HAPLN1: variants seen among roughly 807,000 people sequenced by gnomAD.
HAPLN1 encodes the protein hyaluronan and proteoglycan link protein 1.
In HAPLN1, 13 loss-of-function variants were observed where a neutral mutation model predicts 36.5. The ratio of observed to expected loss-of-function variants is 0.36; its 90% confidence interval spans 0.23 to 0.57. The LOEUF (loss-of-function observed/expected upper bound fraction) is 0.57, where lower values mean the gene tolerates loss of function less well. Among genes scored for constraint, HAPLN1 ranks in the 20% least tolerant of loss-of-function variants. HAPLN1 has a pLI of 0.83. For synonymous variants in HAPLN1, 202 were observed against 169.8 expected (o/e 1.19, Z -1.48); for missense variants, 407 against 439.7 (o/e 0.93, Z 0.66).
At chr5:83,719,528 A>C (rs1273955679) in intron 1 of HAPLN1, among the ~76,000 whole-genome samples, 9 of 152,222 alleles carry the variant, frequency 5.9e-5, no homozygotes, top group Non-Finnish European at 1.3e-4. Context: ...CTAATATCTG[A>C]AGAGTCCTTT....
At chr5:83,680,898 A>G (rs1750983270) in intron 1 of HAPLN1, among the ~76,000 whole-genome samples, 1 of 152,228 alleles carries the variant, frequency 6.6e-6, no homozygotes, top group Non-Finnish European at 1.5e-5. Flanking sequence ...CTGTCAGAAT[A>G]TAAATAAGCA....
chr5:83,700,608 T>C (rs1046592535), intron 1 of HAPLN1, among the ~76,000 whole-genome samples: 3 of 152,040 alleles, frequency 2.0e-5, no homozygotes, highest in African/African-American at 7.2e-5. Context: ...AATTGGTATT[T>C]TCCTTTAAAT....
In HAPLN1 at chr5:83,639,186, C is replaced by G. The variant is rs1217649740; in HGVS notation, c.*2310G>C. ...AATGAGAACATTAAAAAGACTCATTCAAGTATGAGTATAAAGGGCATGGAA... is the reference window on the plus strand; with the variant it reads ...AATGAGAACATTAAAAAGACTCATTGAAGTATGAGTATAAAGGGCATGGAA... On this transcript the variant is annotated 3_prime_UTR_variant, in exon 5 of 5. Transcript: ENST00000274341. 1 of 151,950 alleles carries G rather than the reference C, an allele frequency of 6.6e-6. No homozygotes were observed. The highest frequency in any genetic ancestry group is 2.4e-5 in the African/African-American group (1 of 41,406). The allele number at this position is 151,950 out of a possible 1,614,324, so 9.4% of individuals were successfully genotyped here. A position where few individuals can be genotyped will look rare whatever the true frequency, so the allele number is the denominator to read the frequency against.
intron 1 of HAPLN1, among the ~76,000 whole-genome samples, chr5:83,714,376 A>G (rs955493105): frequency 6.6e-6 from 1 of 152,224 alleles, no homozygotes; most frequent in Non-Finnish European, 1.5e-5. Flanking sequence ...AAAAAACTAC[A>G]TAAATTAATG....
At chr5:83,654,224 G>C (rs1042979876) in intron 2 of HAPLN1, among the ~76,000 whole-genome samples, 2 of 152,118 alleles carry the variant, frequency 1.3e-5, no homozygotes, top group Non-Finnish European at 2.9e-5. Flanking sequence ...TGAGTCCCAA[G>C]CCTCAAAAAG....
intron 1 of HAPLN1, among the ~76,000 whole-genome samples, chr5:83,686,225 A>C (rs1231388493): frequency 6.6e-6 from 1 of 151,880 alleles, no homozygotes; most frequent in Non-Finnish European, 1.5e-5. Flanking sequence ...CTAATTTAAA[A>C]TTTGCCTAAG....
chr5:83,666,700 C>G (rs139425761), intron 2 of HAPLN1, among the ~76,000 whole-genome samples: 20 of 152,124 alleles, frequency 1.3e-4, no homozygotes, highest in African/African-American at 4.3e-4. Context: ...AAATAATAAG[C>G]TCTTTTAGTT....
At chr5:83,692,375 G>A (rs1049668679) in intron 1 of HAPLN1, among the ~76,000 whole-genome samples, 21 of 151,848 alleles carry the variant, frequency 1.4e-4, no homozygotes, top group Non-Finnish European at 2.7e-4. Flanking sequence ...GAGAAAATCT[G>A]AAAGAAAGGA....
intron 1 of HAPLN1, among the ~76,000 whole-genome samples, chr5:83,715,899 G>A (rs1010031364): frequency 2.6e-5 from 4 of 152,116 alleles, no homozygotes; most frequent in Non-Finnish European, 5.9e-5. Context: ...TACATTTCAG[G>A]ACCTTGTAAC....
intron 1 of HAPLN1, among the ~76,000 whole-genome samples, chr5:83,700,227 A>G: frequency 6.6e-6 from 1 of 150,702 alleles, no homozygotes; most frequent in East Asian, 1.9e-4. Context: ...AACCACCACC[A>G]CCACCACAAC....
At chr5:83,648,850 G>A (rs149016397) in intron 3 of HAPLN1, among the ~76,000 whole-genome samples, 217 of 152,282 alleles carry the variant, frequency 1.4e-3, no homozygotes, top group African/African-American at 4.9e-3. Flanking sequence ...GTCTTTTGCC[G>A]TGTGTGGTTC....
chr5:83,695,840 T>C (rs1365850762), intron 1 of HAPLN1, among the ~76,000 whole-genome samples: 2 of 151,870 alleles, frequency 1.3e-5, no homozygotes, highest in Non-Finnish European at 2.9e-5. Flanking sequence ...AAGACTAAAT[T>C]ATTTATTCCT....
chr5:83,686,506 A>G (rs1751130284), intron 1 of HAPLN1, among the ~76,000 whole-genome samples: 1 of 152,204 alleles, frequency 6.6e-6, no homozygotes, highest in Non-Finnish European at 1.5e-5. Context: ...AGTTGGCAAT[A>G]GTGATAGCAA....
At chr5:83,672,333 C>T (rs906699975) in intron 2 of HAPLN1, among the ~76,000 whole-genome samples, 3 of 152,068 alleles carry the variant, frequency 2.0e-5, no homozygotes, top group African/African-American at 7.2e-5. Flanking sequence ...AGCTCTGATT[C>T]TACTATATAT....
At chr5:83,713,498 T>C (rs538982383) in intron 1 of HAPLN1, among the ~76,000 whole-genome samples, 1 of 152,194 alleles carries the variant, frequency 6.6e-6, no homozygotes, top group African/African-American at 2.4e-5. Context: ...TCTCCCTTAG[T>C]ATATCCCTGG....
chr5:83,645,322 C>A (rs762527689), intron 3 of HAPLN1, among the ~76,000 whole-genome samples: 8 of 152,052 alleles, frequency 5.3e-5, no homozygotes, highest in Non-Finnish European at 1.2e-4. Flanking sequence ...AGGGGGGACT[C>A]TTATTTGGAG....
Position 83,640,911 on chromosome 5 carries a change from T to A in HAPLN1, c.*585A>T, listed in dbSNP as rs1473435917. 1 of 144,904 alleles carries A rather than the reference T, an allele frequency of 6.9e-6. No homozygotes were observed. The highest frequency in any genetic ancestry group is 2.0e-4 in the East Asian group (1 of 4,992). The allele number at this position is 144,904 out of a possible 1,614,324, so 9.0% of individuals were successfully genotyped here. A position where few individuals can be genotyped will look rare whatever the true frequency, so the allele number is the denominator to read the frequency against. On this transcript the variant is annotated 3_prime_UTR_variant, in exon 5 of 5. Coordinates refer to ENST00000274341, the MANE Select transcript of HAPLN1 (RefSeq NM_001884.4). ...ACTATGGATTGGAATCCATATGAAT[T>A]TTTTTTTTTTTTTTTGGTCAGAAAG...
At chr5:83,659,660 C>T (rs1459708894) in intron 2 of HAPLN1, among the ~76,000 whole-genome samples, 2 of 152,066 alleles carry the variant, frequency 1.3e-5, no homozygotes, top group East Asian at 1.9e-4. Context: ...AGTCTCTCTA[C>T]ACAAGAAGCT....
chr5:83,680,161 C>T (rs1260893665), intron 1 of HAPLN1, among the ~76,000 whole-genome samples: 8 of 152,090 alleles, frequency 5.3e-5, no homozygotes, highest in African/African-American at 2.4e-5. Flanking sequence ...GCTCACTGGC[C>T]CCTTAGAACC....
Sources: allele counts gnomAD v4.1 joint callset (sites outside exome capture counted in the v4.1 genomes callset), GRCh38; gene constraint gnomAD v4.1.1; transcripts MANE v1.5; gene names NCBI Gene and HGNC (gene_info 2026-07-23, HGNC 2026-07-21).